Variants in RBFOX1 observed in about 807,000 individuals in gnomAD.
The protein encoded by RBFOX1 is RNA binding protein fox-1 homolog 1.
A neutral mutation model predicts 57.7 loss-of-function variants in RBFOX1; 8 were observed. That is an observed-to-expected ratio of 0.14 (90% CI 0.08 to 0.25). The LOEUF is 0.25. Ranked by LOEUF, RBFOX1 falls within the 10% of genes least tolerant of loss-of-function variation. The probability of loss-of-function intolerance (pLI) is 1.00; values close to 1 mark genes in which losing one functional copy is unlikely to be tolerated. For missense variants in RBFOX1, 611 were observed against 548.5 expected, an observed-to-expected ratio of 1.11 and a Z score of -1.14; for synonymous variants, 326 against 222.4, an observed-to-expected ratio of 1.47 and a Z score of -4.15.
intron 3 of RBFOX1, among the ~76,000 whole-genome samples, chr16:5,609,114 A>G (rs2047686976): frequency 6.6e-6 from 1 of 152,198 alleles, no homozygotes. Context: ...TGATTTTGCT[A>G]AGAAATAAAA....
chr16:6,861,546 G>C (rs1311658493), intron 3 of RBFOX1, among the ~76,000 whole-genome samples: 1 of 150,576 alleles, frequency 6.6e-6, no homozygotes, highest in Non-Finnish European at 1.5e-5. Flanking sequence ...CTTTAACTGG[G>C]CACGTTCAGT....
intron 4 of RBFOX1, among the ~76,000 whole-genome samples, chr16:5,938,105 T>C (rs1290531025): frequency 6.6e-6 from 1 of 152,220 alleles, no homozygotes; most frequent in East Asian, 1.9e-4. Flanking sequence ...TGTACCCTTT[T>C]CATTCTTTTC....
intron 3 of RBFOX1, among the ~76,000 whole-genome samples, chr16:6,841,955 G>A (rs552885044): frequency 5.4e-5 from 8 of 148,534 alleles, no homozygotes; most frequent in South Asian, 4.3e-4. Flanking sequence ...TGGCTAATAC[G>A]GTGAAACCCC....
At chr16:5,804,743 G>A (rs1463592251) in intron 3 of RBFOX1, among the ~76,000 whole-genome samples, 2 of 152,118 alleles carry the variant, frequency 1.3e-5, no homozygotes, top group East Asian at 3.9e-4. Flanking sequence ...CTGCAGCAGT[G>A]GCTGCTGCCT....
At chr16:5,827,915 A>C (rs922367061) in intron 3 of RBFOX1, among the ~76,000 whole-genome samples, 1 of 147,144 alleles carries the variant, frequency 6.8e-6, no homozygotes, top group Admixed American at 6.7e-5. Context: ...CCATCCATCC[A>C]TCCACCCATC....
At chr16:5,285,493 G>T (rs866227775) in intron 1 of RBFOX1, among the ~76,000 whole-genome samples, 1 of 152,068 alleles carries the variant, frequency 6.6e-6, no homozygotes, top group South Asian at 2.1e-4. Flanking sequence ...GAGAATTATT[G>T]TGCTTCTTTG....
chr16:5,643,354 G>A (rs1289073616), intron 3 of RBFOX1, among the ~76,000 whole-genome samples: 3 of 152,144 alleles, frequency 2.0e-5, no homozygotes, highest in African/African-American at 4.8e-5. Flanking sequence ...CACCCAGGAA[G>A]GTGGCTAAAC....
intron 5 of RBFOX1, among the ~76,000 whole-genome samples, chr16:7,537,966 A>G (rs2081949494): frequency 6.6e-6 from 1 of 152,244 alleles, no homozygotes; most frequent in Non-Finnish European, 1.5e-5. Flanking sequence ...TTCAGCAAAC[A>G]TTTATCAACA....
intron 4 of RBFOX1, among the ~76,000 whole-genome samples, chr16:6,009,908 C>A (rs1410068178): frequency 6.6e-6 from 1 of 151,864 alleles, no homozygotes; most frequent in African/African-American, 2.4e-5. Flanking sequence ...AGCATGGAGC[C>A]CAGCATCTGG....
At chr16:5,252,763 G>C (rs192569318) in intron 1 of RBFOX1, among the ~76,000 whole-genome samples, 7 of 152,366 alleles carry the variant, frequency 4.6e-5, no homozygotes, top group African/African-American at 2.4e-5. Flanking sequence ...ACAGTGTGCA[G>C]ATGGCTGCAA....
intron 4 of RBFOX1, among the ~76,000 whole-genome samples, chr16:7,101,256 G>C (rs927324907): frequency 6.6e-6 from 1 of 152,276 alleles, no homozygotes; most frequent in East Asian, 1.9e-4. Context: ...GAGAGAAACC[G>C]AGTGAGTGCA....
intron 3 of RBFOX1, among the ~76,000 whole-genome samples, chr16:6,978,612 C>G (rs897524477): frequency 6.6e-6 from 1 of 152,128 alleles, no homozygotes; most frequent in East Asian, 1.9e-4. Context: ...GTGCCTTCCA[C>G]ATATTTTCTC....
At position 6,061,964 on chromosome 16, in the gene RBFOX1, G is replaced by A. The variant is rs569229833; in HGVS notation, c.-127+41972G>A. Among the ~76,000 whole-genome samples, 4 of 152,308 alleles carry A rather than the reference G, an allele frequency of 2.6e-5. No homozygotes were observed. In the South Asian group the frequency reaches 8.3e-4, roughly 32 times the overall value. On this transcript the variant is annotated intron_variant, in intron 1 of 15. Transcript: ENST00000550418. ...GCCTCAGGTTGTGACCTGTGCTTCT[G>A]AAGGACTGGTTAGGATTCCCATGTC...
At chr16:6,628,565 T>C (rs1189504292) in intron 2 of RBFOX1, among the ~76,000 whole-genome samples, 1 of 152,210 alleles carries the variant, frequency 6.6e-6, no homozygotes, top group Admixed American at 6.5e-5. Context: ...TCATTTTGTT[T>C]TTTTATGCAT....
At chr16:5,373,391 C>T (rs2065907319) in intron 1 of RBFOX1, among the ~76,000 whole-genome samples, 1 of 152,180 alleles carries the variant, frequency 6.6e-6, no homozygotes, top group Middle Eastern at 3.4e-3. Flanking sequence ...GGTGGATTTC[C>T]CCCTTGCTCT....
intron 14 of RBFOX1, among the ~76,000 whole-genome samples, chr16:7,695,599 C>T (rs1234042432): frequency 7.2e-6 from 1 of 139,788 alleles, no homozygotes; most frequent in African/African-American, 2.7e-5. Context: ...TTGCAGTGAG[C>T]AGAGACTGCG....
intron 1 of RBFOX1, among the ~76,000 whole-genome samples, chr16:6,076,862 A>G (rs57885562): frequency 6.6e-6 from 1 of 152,098 alleles, no homozygotes; most frequent in Non-Finnish European, 1.5e-5. Context: ...AACAGTTGGC[A>G]CTCAGTGAGT....
At chr16:6,746,089 T>C (rs912133254) in intron 3 of RBFOX1, among the ~76,000 whole-genome samples, 1 of 152,124 alleles carries the variant, frequency 6.6e-6, no homozygotes, top group Non-Finnish European at 1.5e-5. Context: ...CCTATACCCT[T>C]AAAACTACAG....
At chr16:7,392,854 G>GGTTT (rs71391628) in intron 4 of RBFOX1, among the ~76,000 whole-genome samples, 8,068 of 122,978 alleles carry the variant, frequency 0.066, 359 homozygotes, top group African/African-American at 0.15. Context: ...GGTTTGGTTT[G>GGTTT]GTTTGTTTGT....
Sources: allele counts gnomAD v4.1 joint callset (sites outside exome capture counted in the v4.1 genomes callset), GRCh38; gene constraint gnomAD v4.1.1; transcripts MANE v1.5; gene names NCBI Gene and HGNC (gene_info 2026-07-23, HGNC 2026-07-21).